The following CLVS1 variants were observed in gnomAD, a reference collection of about 807,000 sequenced individuals.
CLVS1 encodes the protein clavesin-1.
A neutral mutation model predicts 33.1 loss-of-function variants in CLVS1; 10 were observed. The observed-to-expected ratio is 0.30, with a 90% CI of 0.19 to 0.51. CLVS1 has a LOEUF of 0.51. Ranked by LOEUF, CLVS1 falls within the 20% of genes least tolerant of loss-of-function variation. The probability of loss-of-function intolerance (pLI) is 0.97; values close to 1 mark genes in which losing one functional copy is unlikely to be tolerated. For synonymous variants in CLVS1, 163 were observed against 166.1 expected (o/e 0.98, Z 0.14); for missense variants, 343 against 433.4 (o/e 0.79, Z 1.85).
intron 2 of CLVS1, among the ~76,000 whole-genome samples, chr8:61,257,611 G>T (rs1318539184): frequency 6.6e-6 from 1 of 152,128 alleles, no homozygotes; most frequent in East Asian, 1.9e-4. Flanking sequence ...GTTACAGTGG[G>T]CTTACTGAGT....
chr8:61,138,474 T>TAAGCAC (rs1189313124), intron 2 of CLVS1, among the ~76,000 whole-genome samples: 59 of 152,342 alleles, frequency 3.9e-4, no homozygotes, highest in African/African-American at 1.4e-3. Flanking sequence ...TAAAATGTCT[T>TAAGCAC]GAGTGCTTAC....
chr8:61,299,927 A>G lies in CLVS1; in HGVS notation c.100A>G (p.Thr34Ala), dbSNP rs1232356217. ...TTTACAGGCTGGACTCAGTCCAGAG[A>G]CTATAGAGAAAGCTCGCCTGGAACT... Reference protein sequence around the residue: ...THLQAGLSPETIEKARLELNE... With the variant: ...THLQAGLSPEAIEKARLELNE... Residue 34 changes from threonine (T) to alanine (A), a missense_variant, in exon 2 of 6, where the codon ACT becomes GCT. Thr to Ala is a moderately conservative substitution (Grantham distance 58). This residue lies in a region of CLVS1 where 88 missense variants were observed against 77.3 expected (regional missense o/e 1.14). Coordinates refer to ENST00000325897, the MANE Select transcript of CLVS1 (RefSeq NM_173519.3). 3.1e-6 allele frequency: 5 copies of G among 1,613,902 alleles called. No homozygotes were observed. Among genetic ancestry groups the G allele is most frequent in the Admixed American group, 3.3e-5 (2 of 59,962 alleles).
intron 2 of CLVS1, among the ~76,000 whole-genome samples, chr8:61,319,702 T>C (rs1811128692): frequency 6.6e-6 from 1 of 152,232 alleles, no homozygotes; most frequent in Non-Finnish European, 1.5e-5. Flanking sequence ...TTTAAATGTA[T>C]ATTTATTCCA....
intron 2 of CLVS1, among the ~76,000 whole-genome samples, chr8:61,149,305 A>G (rs757667969): frequency 6.6e-6 from 1 of 152,270 alleles, no homozygotes; most frequent in East Asian, 1.9e-4. Context: ...TAATCCCAGC[A>G]CTTTGGGAGG....
chr8:61,378,756 A>G (rs938930196), intron 3 of CLVS1, among the ~76,000 whole-genome samples: 1 of 152,206 alleles, frequency 6.6e-6, no homozygotes, highest in African/African-American at 2.4e-5. Context: ...AACTCTGCCC[A>G]GCTACTTAAA....
intron 3 of CLVS1, among the ~76,000 whole-genome samples, chr8:61,451,812 CAG>C (rs71257362): frequency 0.023 from 3,207 of 142,116 alleles, 69 homozygotes; most frequent in African/African-American, 0.058. Flanking sequence ...CACACACACA[CAG>C]AGAGAGAGAG....
rs1166606940 is a variant in CLVS1, at chr8:61,149,551, C to CAAAAAA, written c.-152+17703_-152+17708dup. Among the ~76,000 whole-genome samples the CAAAAAA allele has an allele frequency of 1.1e-3, 57 of 51,952 alleles. 1 individual carries two copies. Among genetic ancestry groups the CAAAAAA allele is most frequent in the African/African-American group, 1.4e-3 (23 of 16,116 alleles). 34.1% of individuals were successfully genotyped at this position (51,952 alleles called of 152,430 possible). ...TAGGCGACAGAACGAGACTCTGTCT[C>CAAAAAA]AAAAAAAAAAAAAAAAACAAAAAAC... On this transcript the variant is annotated intron_variant, in intron 2 of 2. Coordinates refer to the CLVS1 transcript ENST00000522621.
intron 2 of CLVS1, among the ~76,000 whole-genome samples, chr8:61,367,746 A>G (rs1400697134): frequency 2.0e-5 from 3 of 152,224 alleles, no homozygotes; most frequent in Admixed American, 1.3e-4. Context: ...CTAACCTTAC[A>G]TAGGACAGCT....
chr8:61,288,180 T>TC, intron 1 of CLVS1, 42 bp downstream of exon 1: 2 of 456,284 alleles, frequency 4.4e-6, no homozygotes, highest in South Asian at 1.5e-5. Context: ...TTGCCGAGCC[T>TC]CCCCGCCTTT....
At chr8:61,098,722 G>C (rs1805396789) in intron 1 of CLVS1, among the ~76,000 whole-genome samples, 1 of 152,030 alleles carries the variant, frequency 6.6e-6, no homozygotes, top group South Asian at 2.1e-4. Context: ...AGTCAGAGTT[G>C]GGTAGAGAAC....
At chr8:61,415,403 G>T (rs1815391437) in intron 3 of CLVS1, among the ~76,000 whole-genome samples, 1 of 152,222 alleles carries the variant, frequency 6.6e-6, no homozygotes, top group Non-Finnish European at 1.5e-5. Context: ...TAATCAACTT[G>T]TGGTGGGATA....
chr8:60,998,610 C>T, the CLVS1 span, among the ~76,000 whole-genome samples: 2 of 152,114 alleles, frequency 1.3e-5, no homozygotes, highest in Non-Finnish European at 2.9e-5. Context: ...CCACCCCCTG[C>T]CTCTGGCTAA....
intron 2 of CLVS1, among the ~76,000 whole-genome samples, chr8:61,348,759 T>C (rs539453046): frequency 2.5e-4 from 38 of 152,170 alleles, no homozygotes; most frequent in Non-Finnish European, 5.6e-4. Context: ...TGCTGGATCA[T>C]GTGGTAGTTC....
chr8:60,981,841 C>T, the CLVS1 span, among the ~76,000 whole-genome samples: 6 of 152,338 alleles, frequency 3.9e-5, no homozygotes, highest in South Asian at 1.2e-3. Flanking sequence ...AAGAGCGGGA[C>T]CCCTCATGAG....
At chr8:61,344,199 AAG>A (rs1812121126) in intron 2 of CLVS1, among the ~76,000 whole-genome samples, 1 of 152,196 alleles carries the variant, frequency 6.6e-6, no homozygotes, top group Non-Finnish European at 1.5e-5. Flanking sequence ...AAAGAAAAAA[AAG>A]AAAGTTTGAC....
chr8:61,360,170 C>T (rs1170181248), intron 2 of CLVS1, among the ~76,000 whole-genome samples: 3 of 152,170 alleles, frequency 2.0e-5, no homozygotes, highest in South Asian at 4.1e-4. Flanking sequence ...GTTAGAAGAA[C>T]ACACCTTTCC....
chr8:61,124,703 A>C (rs1805940017), intron 1 of CLVS1, among the ~76,000 whole-genome samples: 1 of 152,114 alleles, frequency 6.6e-6, no homozygotes, highest in South Asian at 2.1e-4. Context: ...GCATCCATCC[A>C]CTCATTCCTT....
intron 2 of CLVS1, among the ~76,000 whole-genome samples, chr8:61,176,011 ACT>A (rs1306192436): frequency 6.6e-6 from 1 of 151,962 alleles, no homozygotes; most frequent in East Asian, 1.9e-4. Context: ...GACCAAACAC[ACT>A]CTAGATGGAG....
chr8:61,346,166 G>T (rs1230095612), intron 2 of CLVS1, among the ~76,000 whole-genome samples: 1 of 152,086 alleles, frequency 6.6e-6, no homozygotes, highest in Non-Finnish European at 1.5e-5. Flanking sequence ...TTCGCAAATG[G>T]TATAGAATGT....
Sources: gnomAD v4.1 joint callset for allele counts (sites outside exome capture counted in the v4.1 genomes callset) on GRCh38, gnomAD v4.1.1 for gene constraint, gnomAD v4.1.1 regional missense constraint, MANE v1.5 for transcripts, NCBI Gene and HGNC (gene_info 2026-07-23, HGNC 2026-07-21) for gene names.